Variants in ZDHHC17 observed in about 807,000 individuals in gnomAD.
ZDHHC17 encodes the protein palmitoyltransferase ZDHHC17.
Under a neutral mutation model 90.3 loss-of-function variants are expected in ZDHHC17, and 40 were observed. That is an observed-to-expected ratio of 0.44 (90% CI 0.34 to 0.58). The LOEUF (loss-of-function observed/expected upper bound fraction) is 0.58. ZDHHC17 is among the 20% of genes least tolerant of loss of function. ZDHHC17 has a pLI of 0.01. For missense variants in ZDHHC17, 614 were observed against 780.8 expected, an observed-to-expected ratio of 0.79 and a Z score of 2.55; for synonymous variants, 235 against 252.4, an observed-to-expected ratio of 0.93 and a Z score of 0.65.
chr12:76,821,930 TAGTGGTAGAAGTA>T (rs1953167055), intron 7 of ZDHHC17, among the ~76,000 whole-genome samples: 1 of 152,154 alleles, frequency 6.6e-6, no homozygotes, highest in Non-Finnish European at 1.5e-5. Flanking sequence ...GCCAGTACAA[TAGTGGTAGAAGTA>T]GAGACTGACT....
In ZDHHC17 at chr12:76,765,692, T is replaced by A. The variant is rs74490107; in HGVS notation, c.93+1363T>A. Among the ~76,000 whole-genome samples, 253 of 152,312 alleles carry A rather than the reference T, an allele frequency of 1.7e-3. 8 individuals are homozygous for A. The East Asian group carries it at 0.045, about 27-fold the overall frequency. ...GTATTCGTGAAAGTATTTCAAACACTTAAGTGTTTATCCAGTTTATTTTTT... is the reference window on the plus strand; with the variant it reads ...GTATTCGTGAAAGTATTTCAAACACATAAGTGTTTATCCAGTTTATTTTTT... On this transcript the variant is annotated intron_variant, in intron 1 of 16. Transcript: ENST00000426126.
intron 2 of ZDHHC17, 128 bp downstream of exon 2, chr12:76,797,665 G>A (rs978185639): frequency 1.1e-5 from 7 of 614,326 alleles, no homozygotes; most frequent in African/African-American, 5.8e-5. Flanking sequence ...TTTATGGGCC[G>A]GTTGCGGTGG....
intron 2 of ZDHHC17, among the ~76,000 whole-genome samples, chr12:76,803,031 C>T (rs946970918): frequency 7.9e-5 from 12 of 151,912 alleles, no homozygotes; most frequent in African/African-American, 1.5e-4. Context: ...GTGGGCAGAT[C>T]GCTTGAGCCC....
intron 12 of ZDHHC17, 40 bp from the exon 13 acceptor site, chr12:76,845,669 T>C (rs376652883): frequency 1.0e-6 from 1 of 970,568 alleles, no homozygotes; most frequent in Non-Finnish European, 1.6e-6. Context: ...TCTCTCTTAG[T>C]ATAATGCCTT....
intron 1 of ZDHHC17, among the ~76,000 whole-genome samples, chr12:76,795,131 C>G (rs1019556187): frequency 6.6e-6 from 1 of 152,028 alleles, no homozygotes; most frequent in African/African-American, 2.4e-5. Flanking sequence ...CAGTGATGCT[C>G]TGAGCTATAG....
At chr12:76,819,469 G>A (rs1210481247) in intron 7 of ZDHHC17, among the ~76,000 whole-genome samples, 1 of 152,042 alleles carries the variant, frequency 6.6e-6, no homozygotes, top group Non-Finnish European at 1.5e-5. Flanking sequence ...GGCTTTAATA[G>A]CTATAAAAAG....
intron 1 of ZDHHC17, among the ~76,000 whole-genome samples, chr12:76,771,106 A>G (rs1484193473): frequency 6.6e-6 from 1 of 152,162 alleles, no homozygotes; most frequent in South Asian, 2.1e-4. Context: ...GTAAAATCAA[A>G]TATTTTAATT....
rs1259951989 is a variant in ZDHHC17, at chr12:76,852,130, T to G, written c.*1145T>G. 1 of 152,686 alleles carries G rather than the reference T, an allele frequency of 6.5e-6. No individual in the cohort carries two copies. The highest frequency in any genetic ancestry group is 2.4e-5 in the African/African-American group (1 of 41,468). 9.5% of individuals were successfully genotyped at this position (152,686 alleles called of 1,614,324 possible). On this transcript the variant is annotated 3_prime_UTR_variant, in exon 17 of 17. Coordinates refer to ENST00000426126, the MANE Select transcript of ZDHHC17 (RefSeq NM_015336.4). ...TAGAAAAAATTTTCTTTTTGTTAAA[T>G]GTGATGCACTGATCAATTTTTGTCA...
At chr12:76,772,996 A>G (rs771747645) in intron 1 of ZDHHC17, among the ~76,000 whole-genome samples, 28 of 152,020 alleles carry the variant, frequency 1.8e-4, no homozygotes, top group Non-Finnish European at 3.5e-4. Flanking sequence ...GAGTACCTCT[A>G]CAAGCACGTG....
intron 5 of ZDHHC17, among the ~76,000 whole-genome samples, chr12:76,813,665 A>G (rs149586012): frequency 0.011 from 1,677 of 152,216 alleles, 11 homozygotes; most frequent in Non-Finnish European, 0.017. Flanking sequence ...TGAATTAGGT[A>G]ACACAACTTG....
At chr12:76,792,383 G>GTTGA (rs1459406011) in intron 1 of ZDHHC17, among the ~76,000 whole-genome samples, 1 of 152,164 alleles carries the variant, frequency 6.6e-6, no homozygotes, top group Admixed American at 6.5e-5. Flanking sequence ...TTGGCGAATA[G>GTTGA]TTGATTGGTT....
chr12:76,795,703 T>A (rs1952811476), intron 1 of ZDHHC17, among the ~76,000 whole-genome samples: 1 of 152,152 alleles, frequency 6.6e-6, no homozygotes, highest in Admixed American at 6.6e-5. Context: ...TTAAAGAAAT[T>A]AAATGGATAA....
At chr12:76,800,016 C>T (rs893617788) in intron 2 of ZDHHC17, among the ~76,000 whole-genome samples, 3 of 152,070 alleles carry the variant, frequency 2.0e-5, no homozygotes, top group African/African-American at 4.8e-5. Context: ...CACATGAGGT[C>T]GTGTGTAGTA....
At chr12:76,796,299 A>T (rs1010484773) in intron 1 of ZDHHC17, among the ~76,000 whole-genome samples, 1 of 152,160 alleles carries the variant, frequency 6.6e-6, no homozygotes, top group African/African-American at 2.4e-5. Flanking sequence ...AAAATATCAG[A>T]AACACAGCAT....
chr12:76,825,746 T>C (rs1953222948), intron 8 of ZDHHC17, among the ~76,000 whole-genome samples: 1 of 152,152 alleles, frequency 6.6e-6, no homozygotes, highest in Admixed American at 6.5e-5. Context: ...AAATGTGTAA[T>C]ATAACCTTAG....
chr12:76,785,774 T>TAA (rs2137729500), intron 1 of ZDHHC17, among the ~76,000 whole-genome samples: 1 of 152,304 alleles, frequency 6.6e-6, no homozygotes, highest in African/African-American at 2.4e-5. Flanking sequence ...CTGAGGTTTT[T>TAA]AAAAGTACAT....
chr12:76,846,458 A>G, intron 13 of ZDHHC17, 138 bp from the exon 14 acceptor site: 1 of 611,476 alleles, frequency 1.6e-6, no homozygotes, highest in Non-Finnish European at 2.8e-6. Flanking sequence ...TTTTCCTGAA[A>G]ACCACTTTAT....
intron 1 of ZDHHC17, among the ~76,000 whole-genome samples, chr12:76,789,911 T>C (rs1952740240): frequency 6.6e-6 from 1 of 152,128 alleles, no homozygotes; most frequent in African/African-American, 2.4e-5. Flanking sequence ...TAGGGAGCCA[T>C]GATAACGACA....
intron 7 of ZDHHC17, 145 bp downstream of exon 7, chr12:76,816,164 A>C: frequency 1.9e-6 from 1 of 538,246 alleles, no homozygotes; most frequent in South Asian, 7.1e-5. Context: ...TGCATAATAC[A>C]TTTTAATAAT....
Sources: gnomAD v4.1 joint callset for allele counts (sites outside exome capture counted in the v4.1 genomes callset) on GRCh38, gnomAD v4.1.1 for gene constraint, MANE v1.5 for transcripts, NCBI Gene and HGNC (gene_info 2026-07-23, HGNC 2026-07-21) for gene names.